Variants in MAGI2 observed in about 807,000 individuals in gnomAD.
MAGI2 encodes the protein membrane-associated guanylate kinase, WW and PDZ domain-containing protein 2.
A neutral mutation model predicts 133.3 loss-of-function variants in MAGI2; 35 were observed. The ratio of observed to expected loss-of-function variants is 0.26; its 90% confidence interval spans 0.20 to 0.35. The LOEUF (loss-of-function observed/expected upper bound fraction) is 0.35, where lower values mean the gene tolerates loss of function less well. MAGI2 is among the 10% of genes least tolerant of loss of function. MAGI2 has a pLI of 1.00. For missense variants in MAGI2, 1,636 were observed against 1,863.4 expected (o/e 0.88, Z 2.25); for synonymous variants, 729 against 710.6 (o/e 1.03, Z -0.41).
chr7:79,377,073 A>T (rs753468444), intron 1 of MAGI2, among the ~76,000 whole-genome samples: 3 of 151,884 alleles, frequency 2.0e-5, no homozygotes, highest in African/African-American at 7.2e-5. Flanking sequence ...TAAGATTTTT[A>T]AAATATTTTT....
At chr7:78,891,579 CA>C (rs1796751629) in intron 2 of MAGI2, among the ~76,000 whole-genome samples, 1 of 152,166 alleles carries the variant, frequency 6.6e-6, no homozygotes, top group South Asian at 2.1e-4. Flanking sequence ...TCAACATACA[CA>C]AATCAATAAA....
intron 4 of MAGI2, among the ~76,000 whole-genome samples, chr7:78,508,877 T>A (rs896927392): frequency 6.8e-6 from 1 of 148,112 alleles, no homozygotes; most frequent in Non-Finnish European, 1.5e-5. Context: ...ATTGTTAAAT[T>A]GAAAAATAGT....
intron 7 of MAGI2, chr7:78,350,318 T>C (rs1395483631): frequency 6.6e-6 from 1 of 152,198 alleles, no homozygotes; most frequent in Non-Finnish European, 1.5e-5. Context: ...AAATTCCAGA[T>C]GCACCAGAGA....
intron 9 of MAGI2, among the ~76,000 whole-genome samples, chr7:78,327,073 T>C (rs1035426417): frequency 6.6e-6 from 1 of 152,194 alleles, no homozygotes; most frequent in Non-Finnish European, 1.5e-5. Flanking sequence ...GCCAGTGTAA[T>C]ATTTGGCTCA....
At chr7:78,490,380 C>G (rs1793489815) in intron 5 of MAGI2, among the ~76,000 whole-genome samples, 1 of 152,124 alleles carries the variant, frequency 6.6e-6, no homozygotes, top group African/African-American at 2.4e-5. Context: ...ATTAAACTAT[C>G]TTTCATCCAA....
At chr7:79,187,460 T>C (rs6961062) in intron 1 of MAGI2, among the ~76,000 whole-genome samples, 27,038 of 151,622 alleles carry the variant, frequency 0.18, 5,575 homozygotes, top group African/African-American at 0.49. Context: ...TCAGTCCATC[T>C]ACCTATTTCA....
In MAGI2 at chr7:79,090,878, C is replaced by G. The variant is rs557359780; in HGVS notation, c.302-83672G>C. 6.6e-5 allele frequency among the ~76,000 whole-genome samples: 10 copies of G among 152,124 alleles called. 1 individual carries two copies. The highest frequency in any genetic ancestry group is 6.6e-4 in the Admixed American group (10 of 15,252). ...TATTAAATATTGGGTGAATTTCATC[C>G]CTCACACTATGACCACTTCCGTGAT... On this transcript the variant is annotated intron_variant, in intron 1 of 21. Transcript: ENST00000354212.
At chr7:78,658,996 T>A (rs1812616901) in intron 2 of MAGI2, among the ~76,000 whole-genome samples, 2 of 152,142 alleles carry the variant, frequency 1.3e-5, no homozygotes, top group Admixed American at 6.5e-5. Flanking sequence ...CAAGTTATAT[T>A]CACACAAAAA....
intron 6 of MAGI2, among the ~76,000 whole-genome samples, chr7:78,400,117 C>G (rs1320144730): frequency 1.3e-5 from 2 of 152,116 alleles, no homozygotes; most frequent in Non-Finnish European, 2.9e-5. Context: ...GATGACAAAA[C>G]CTAACCTGTA....
intron 21 of MAGI2, among the ~76,000 whole-genome samples, chr7:78,048,011 T>C (rs1373722614): frequency 1.2e-4 from 19 of 152,228 alleles, no homozygotes; most frequent in Admixed American, 1.2e-3. Context: ...TACTTGCTGA[T>C]AGGATTGTGT....
chr7:79,229,780 A>G (rs1418256174), intron 1 of MAGI2, among the ~76,000 whole-genome samples: 1 of 151,626 alleles, frequency 6.6e-6, no homozygotes, highest in Non-Finnish European at 1.5e-5. Context: ...CTTTTTTTTT[A>G]AGTTTTTTTA....
intron 3 of MAGI2, among the ~76,000 whole-genome samples, chr7:78,586,009 A>T (rs908741277): frequency 3.9e-5 from 6 of 152,208 alleles, no homozygotes; most frequent in African/African-American, 1.4e-4. Context: ...TATTTTAGGT[A>T]GACAAAGTAG....
rs549745972 is a variant in MAGI2 at position 78,309,850 on chromosome 7, G to A, written c.1408+33928C>T. On this transcript the variant is annotated intron_variant, in intron 9 of 21. Transcript: ENST00000354212. Reference sequence around the variant, plus strand: ...CTCAGACCTTTCTTCTATAGATTAGGTTGACATTAATATTCTTTTCATTGA... The same window carrying A: ...CTCAGACCTTTCTTCTATAGATTAGATTGACATTAATATTCTTTTCATTGA... 2.6e-5 allele frequency among the ~76,000 whole-genome samples: 4 copies of A among 151,962 alleles called. No homozygotes were observed. In the South Asian group the frequency reaches 6.2e-4, roughly 24 times the overall value.
At chr7:78,729,751 A>G (rs1821185728) in intron 2 of MAGI2, among the ~76,000 whole-genome samples, 1 of 152,194 alleles carries the variant, frequency 6.6e-6, no homozygotes, top group South Asian at 2.1e-4. Flanking sequence ...TTCTGAACAT[A>G]CATTGGTTTG....
intron 2 of MAGI2, among the ~76,000 whole-genome samples, chr7:78,713,228 G>T (rs558871856): frequency 2.6e-4 from 40 of 152,162 alleles, no homozygotes; most frequent in African/African-American, 8.7e-4. Flanking sequence ...ATGTTACCTT[G>T]TGCATAATGT....
chr7:78,810,285 A>G (rs1299566688), intron 2 of MAGI2, among the ~76,000 whole-genome samples: 1 of 152,162 alleles, frequency 6.6e-6, no homozygotes, highest in Non-Finnish European at 1.5e-5. Flanking sequence ...AGGAAGGGAT[A>G]TTATTTTGCT....
At chr7:78,489,678 C>G (rs914812940) in intron 6 of MAGI2, 83 bp downstream of exon 6, 2 of 975,002 alleles carry the variant, frequency 2.1e-6, no homozygotes, top group Non-Finnish European at 3.2e-6. Flanking sequence ...AGATTATTGC[C>G]TCTTCAGGTG....
chr7:78,464,983 T>C (rs1790469965), intron 6 of MAGI2, among the ~76,000 whole-genome samples: 1 of 152,170 alleles, frequency 6.6e-6, no homozygotes, highest in South Asian at 2.1e-4. Flanking sequence ...ATAACTATGC[T>C]TCTATAATCA....
At chr7:78,527,995 TC>T (rs56118536) in intron 3 of MAGI2, among the ~76,000 whole-genome samples, 102,010 of 151,514 alleles carry the variant, frequency 0.67, 34,906 homozygotes, top group African/African-American at 0.81. Flanking sequence ...AGTCCTTTTT[TC>T]CCCGTTTTGG....
Sources: allele counts gnomAD v4.1 joint callset (sites outside exome capture counted in the v4.1 genomes callset), GRCh38; gene constraint gnomAD v4.1.1; transcripts MANE v1.5; gene names NCBI Gene and HGNC (gene_info 2026-07-23, HGNC 2026-07-21).